The following AARS1 variants were observed in gnomAD, a reference collection of about 807,000 sequenced individuals.
The protein encoded by AARS1 is alanine--tRNA ligase, cytoplasmic.
In AARS1, 72 loss-of-function variants were observed where a neutral mutation model predicts 108.9. The ratio of observed to expected loss-of-function variants is 0.66; its 90% CI spans 0.55 to 0.80. AARS1 has a LOEUF of 0.80. Among genes scored for constraint, AARS1 ranks in the 30% least tolerant of loss-of-function variants. AARS1 has a pLI of 0.00. For missense variants in AARS1, 1,193 were observed against 1,233.2 expected (o/e 0.97, Z 0.49); for synonymous variants, 489 against 465.7 (o/e 1.05, Z -0.64).
At chr16:70,273,757 G>C (rs1016674233) in intron 4 of AARS1, among the ~76,000 whole-genome samples, 1 of 151,120 alleles carries the variant, frequency 6.6e-6, no homozygotes, top group Non-Finnish European at 1.5e-5. Flanking sequence ...CAGCTACTCA[G>C]GAGGCTGAGG....
intron 12 of AARS1, 97 bp downstream of exon 12, chr16:70,262,249 G>C: frequency 6.9e-7 from 1 of 1,446,572 alleles, no homozygotes; most frequent in South Asian, 1.1e-5. Flanking sequence ...AGGTGTGTCA[G>C]GTCTGCTCCC....
At position 70,283,112 on chromosome 16, in the gene AARS1, G is replaced by A. The variant is rs113812226; in HGVS notation, c.-21-328C>T. ...CGAGACTAGGAATTAGAAAAAAAGA[G>A]GGACAGCCAGGCACGATGGCTCACG... On this transcript the variant is annotated intron_variant, in intron 1 of 20. Coordinates refer to ENST00000261772, the MANE Select transcript of AARS1 (RefSeq NM_001605.3). 5.4e-3 allele frequency among the ~76,000 whole-genome samples: 818 copies of A among 152,208 alleles called. 16 individuals are homozygous for A. The highest frequency in any genetic ancestry group is 0.018 in the African/African-American group (759 of 41,512).
At chr16:70,257,012 G>A (rs896414270) in intron 15 of AARS1, among the ~76,000 whole-genome samples, 23 of 152,076 alleles carry the variant, frequency 1.5e-4, no homozygotes, top group Admixed American at 1.4e-3. Flanking sequence ...CACTTTGGGA[G>A]GCTGAGGTGG....
At position 70,258,206 on chromosome 16, in the gene AARS1, G is replaced by A. The variant is rs1283821119; in HGVS notation, c.2004C>T (p.Thr668=). The change falls in exon 15 of 21, where the codon ACC becomes ACT. Residue 668 remains threonine (T), a synonymous_variant. Transcript: ENST00000261772. ...EMIEAAKAVY[T]QDCPLAAAKA... ...TCGCTGCTGCCAGGGGGCAATCCTG[G>A]GTATAGACGGCCTGCCAGACCAAGA... is the stretch of plus-strand genomic sequence containing the variant. The A allele has an allele frequency of 2.5e-6, 4 of 1,593,306 alleles. No individual in the cohort carries two copies. The highest frequency in any genetic ancestry group is 3.4e-6 in the Non-Finnish European group (4 of 1,169,076).
rs527414180 is a variant in AARS1 at position 70,268,341 on chromosome 16, T to A, written c.1001A>T (p.Tyr334Phe). 2.4e-5 allele frequency: 39 copies of A among 1,614,166 alleles called. 1 individual carries two copies. The South Asian group carries it at 4.0e-4, about 16-fold the overall frequency. Residue 334 changes from tyrosine to phenylalanine, a missense_variant, in exon 8 of 21, where the codon TAC becomes TTC. By Grantham distance (22) the Tyr-to-Phe change is conservative (BLOSUM62 3). Coordinates refer to ENST00000261772, the MANE Select transcript of AARS1 (RefSeq NM_001605.3). ...GCTGGCATTGAGCTTTTCATGGGCG[T>A]ATCGGACAGCTCGGCGGAGAATCCG... ...LRRILRRAVR[Y>F]AHEKLNASRG...
intron 1 of AARS1, among the ~76,000 whole-genome samples, chr16:70,285,087 G>A (rs185411069): frequency 1.3e-5 from 2 of 152,250 alleles, no homozygotes; most frequent in African/African-American, 4.8e-5. Flanking sequence ...AAATTAGCCG[G>A]GAATGATGGC....
At chr16:70,273,724 G>A (rs565086894) in intron 4 of AARS1, among the ~76,000 whole-genome samples, 11 of 151,736 alleles carry the variant, frequency 7.2e-5, no homozygotes, top group South Asian at 2.1e-4. Flanking sequence ...TTAGCCGGGC[G>A]TGGTGGTGGG....
intron 2 of AARS1, among the ~76,000 whole-genome samples, chr16:70,281,968 G>T (rs1048760827): frequency 1.3e-5 from 2 of 152,000 alleles, no homozygotes; most frequent in Non-Finnish European, 2.9e-5. Context: ...TGGCTAACAC[G>T]GTGAAACCCC....
At chr16:70,267,943 G>C in intron 8 of AARS1, 134 bp from the exon 9 acceptor site, 1 of 1,266,726 alleles carries the variant, frequency 7.9e-7, no homozygotes. Context: ...CGAGGCAGGT[G>C]GATTGCCTGA....
chr16:70,283,675 G>A (rs972474766), intron 1 of AARS1, among the ~76,000 whole-genome samples: 3 of 152,154 alleles, frequency 2.0e-5, no homozygotes, highest in Non-Finnish European at 2.9e-5. Context: ...ATGGTGAGGC[G>A]GCTGTCAGCA....
intron 7 of AARS1, among the ~76,000 whole-genome samples, chr16:70,268,593 G>T (rs1960321598): frequency 6.6e-6 from 1 of 152,174 alleles, no homozygotes; most frequent in Non-Finnish European, 1.5e-5. Flanking sequence ...ACGCTGGTTT[G>T]TTTTCCTTTC....
chr16:70,259,409 G>A (rs1246693819), intron 13 of AARS1, among the ~76,000 whole-genome samples: 2 of 152,160 alleles, frequency 1.3e-5, no homozygotes, highest in African/African-American at 2.4e-5. Context: ...GATGGGGCAG[G>A]TCCTCCCATT....
intron 2 of AARS1, among the ~76,000 whole-genome samples, chr16:70,280,772 T>A (rs1336379152): frequency 1.3e-5 from 2 of 152,214 alleles, no homozygotes; most frequent in East Asian, 3.8e-4. Flanking sequence ...TGTCATGCTT[T>A]CATCATTTTA....
chr16:70,278,830 G>C (rs778383336), intron 2 of AARS1, among the ~76,000 whole-genome samples: 1 of 151,970 alleles, frequency 6.6e-6, no homozygotes, highest in Non-Finnish European at 1.5e-5. Flanking sequence ...GGTATTTGCT[G>C]ATCAAGAGGC....
intron 1 of AARS1, among the ~76,000 whole-genome samples, chr16:70,283,550 G>T (rs1172823683): frequency 6.6e-6 from 1 of 152,118 alleles, no homozygotes; most frequent in African/African-American, 2.4e-5. Context: ...AAAAAAGGAG[G>T]GGTCCATATG....
At chr16:70,262,836 C>G (rs866562322) in intron 11 of AARS1, among the ~76,000 whole-genome samples, 1 of 151,440 alleles carries the variant, frequency 6.6e-6, no homozygotes, top group Non-Finnish European at 1.5e-5. Flanking sequence ...GGTGTGGTGG[C>G]GGGCACCTGT....
chr16:70,282,552 G>A, intron 2 of AARS1, 68 bp downstream of exon 2: 1 of 1,588,628 alleles, frequency 6.3e-7, no homozygotes, highest in South Asian at 1.1e-5. Context: ...CCCCAGGGCT[G>A]TGCTTTTATC....
At chr16:70,284,124 ACT>A (rs1192007078) in intron 1 of AARS1, among the ~76,000 whole-genome samples, 5 of 151,224 alleles carry the variant, frequency 3.3e-5, no homozygotes, top group African/African-American at 4.9e-5. Context: ...ACATGGTGAA[ACT>A]CTGTCTCTAC....
At chr16:70,266,330 A>T (rs899124259) in intron 9 of AARS1, among the ~76,000 whole-genome samples, 26 of 148,164 alleles carry the variant, frequency 1.8e-4, no homozygotes, top group East Asian at 4.1e-4. Context: ...AAAAAATAAA[A>T]AAAAATAAAT....
Sources: gnomAD v4.1 joint callset for allele counts (sites outside exome capture counted in the v4.1 genomes callset) on GRCh38, gnomAD v4.1.1 for gene constraint, MANE v1.5 for transcripts, NCBI Gene and HGNC (gene_info 2026-07-23, HGNC 2026-07-21) for gene names.